The following DDX10 variants were observed in gnomAD, a reference collection of about 807,000 sequenced individuals.
The protein encoded by DDX10 is probable ATP-dependent RNA helicase DDX10.
In DDX10, 74 loss-of-function variants were observed where a neutral mutation model predicts 104.3. The ratio of observed to expected loss-of-function variants is 0.71; its 90% CI spans 0.59 to 0.86. DDX10 has a LOEUF of 0.86. Among genes scored for constraint, DDX10 ranks in the 40% least tolerant of loss-of-function variants. The pLI is 0.00. For missense variants in DDX10, 952 were observed against 1,040.0 expected (o/e 0.92, Z 1.16); for synonymous variants, 351 against 353.4 (o/e 0.99, Z 0.08).
intron 10 of DDX10, among the ~76,000 whole-genome samples, chr11:108,714,924 T>C (rs1482843834): frequency 6.7e-6 from 1 of 150,296 alleles, no homozygotes; most frequent in Non-Finnish European, 1.5e-5. Flanking sequence ...TTTGAAATTT[T>C]TTATAATAAA....
intron 10 of DDX10, among the ~76,000 whole-genome samples, chr11:108,710,046 G>T (rs749329484): frequency 1.2e-4 from 19 of 152,122 alleles, no homozygotes; most frequent in Non-Finnish European, 2.1e-4. Context: ...GAACACAATG[G>T]TAGGTATTTG....
intron 16 of DDX10, among the ~76,000 whole-genome samples, chr11:108,861,578 G>GT (rs913310086): frequency 3.3e-5 from 5 of 152,068 alleles, no homozygotes; most frequent in Admixed American, 2.6e-4. Context: ...TTACATAAAG[G>GT]TTTTTTTGTA....
At chr11:108,884,184 A>G (rs1863263248) in intron 16 of DDX10, among the ~76,000 whole-genome samples, 1 of 152,118 alleles carries the variant, frequency 6.6e-6, no homozygotes, top group African/African-American at 2.4e-5. Flanking sequence ...CAACTAGACA[A>G]ATTTTTTATT....
intron 13 of DDX10, among the ~76,000 whole-genome samples, chr11:108,751,787 G>A (rs1009263841): frequency 6.6e-6 from 1 of 152,120 alleles, no homozygotes; most frequent in Admixed American, 6.5e-5. Context: ...ATTACATTTG[G>A]CAAGTCAATC....
chr11:108,823,574 A>G lies in DDX10; in HGVS notation c.1966-14872A>G, dbSNP rs568615720. ...ACCAAACCCAGTTTGAATTTAGCATATATCTTTCTTCCATTATTGTAGTTC... is the reference window on the plus strand; with the variant it reads ...ACCAAACCCAGTTTGAATTTAGCATGTATCTTTCTTCCATTATTGTAGTTC... On this transcript the variant is annotated intron_variant, in intron 13 of 17. Transcript: ENST00000322536. Among the ~76,000 whole-genome samples, 22 of 152,320 alleles carry G rather than the reference A, an allele frequency of 1.4e-4. No homozygotes were observed. In the East Asian group the frequency reaches 3.3e-3, roughly 23 times the overall value.
At chr11:108,836,591 A>T (rs1168610361) in intron 13 of DDX10, among the ~76,000 whole-genome samples, 2 of 152,100 alleles carry the variant, frequency 1.3e-5, no homozygotes, top group African/African-American at 4.8e-5. Context: ...GGTTTAAGCG[A>T]TTGTCATGCC....
intron 13 of DDX10, among the ~76,000 whole-genome samples, chr11:108,788,620 C>T (rs1414339414): frequency 6.6e-6 from 1 of 152,238 alleles, no homozygotes; most frequent in African/African-American, 2.4e-5. Context: ...ACCTTGGTCT[C>T]CCAAACTGCT....
chr11:108,677,264 C>A, intron 4 of DDX10, 21 bp downstream of exon 4: 2 of 1,599,554 alleles, frequency 1.3e-6, no homozygotes, highest in Non-Finnish European at 1.7e-6. Context: ...TTGTCTATGT[C>A]CTTCCTTTCC....
At chr11:108,799,599 G>A (rs897740797) in intron 13 of DDX10, among the ~76,000 whole-genome samples, 1 of 152,180 alleles carries the variant, frequency 6.6e-6, no homozygotes, top group African/African-American at 2.4e-5. Flanking sequence ...TTCAATGGTT[G>A]CTTTAGGGCA....
chr11:108,917,891 G>T lies in DDX10; in HGVS notation c.2323G>T (p.Ala775Ser), dbSNP rs768235313. 6.2e-7 allele frequency: 1 copy of T among 1,611,754 alleles called. No individual in the cohort carries two copies. The highest frequency in any genetic ancestry group is 1.7e-5 in the Admixed American group (1 of 59,930). ...TTTTTAGGCCAAAGATGAAGAGGAA[G>T]CCTTTCTGGATTGGAGTGATGATGA... ...RQAKAKDEEE[A>S]FLDWSDDDDD... The change falls in exon 17 of 18, where the codon GCC (alanine) becomes TCC (serine). Residue 775 changes from alanine (A) to serine (S), a missense_variant. Around this residue, in one of 3 missense-constraint regions of DDX10, gnomAD observed 533 missense variants for 534.1 expected, o/e 1.00. Coordinates refer to ENST00000322536, the MANE Select transcript of DDX10 (RefSeq NM_004398.4).
chr11:108,900,651 G>A (rs1267290163), intron 16 of DDX10, among the ~76,000 whole-genome samples: 1 of 152,176 alleles, frequency 6.6e-6, no homozygotes, highest in East Asian at 1.9e-4. Context: ...AACCGGAATG[G>A]TGGACCCAAG....
intron 17 of DDX10, among the ~76,000 whole-genome samples, chr11:108,931,577 T>C (rs1863975915): frequency 6.6e-6 from 1 of 152,224 alleles, no homozygotes; most frequent in Non-Finnish European, 1.5e-5. Context: ...TTTTTTACAT[T>C]ATGCCATGTG....
At chr11:108,748,111 C>G (rs916954255) in intron 13 of DDX10, among the ~76,000 whole-genome samples, 2 of 152,214 alleles carry the variant, frequency 1.3e-5, no homozygotes, top group East Asian at 3.9e-4. Context: ...TTGAAACTTA[C>G]AAGAAAAAAC....
At chr11:108,891,079 T>G (rs1360310371) in intron 16 of DDX10, among the ~76,000 whole-genome samples, 4 of 152,190 alleles carry the variant, frequency 2.6e-5, no homozygotes, top group Non-Finnish European at 5.9e-5. Flanking sequence ...CTGCCTCTTA[T>G]GAAGCCCTTG....
At chr11:108,728,878 T>C (rs1294251692) in intron 13 of DDX10, among the ~76,000 whole-genome samples, 1 of 152,192 alleles carries the variant, frequency 6.6e-6, no homozygotes, top group East Asian at 1.9e-4. Flanking sequence ...CCCATGTCAT[T>C]AAAGTGTCTT....
At chr11:108,894,827 A>T (rs1447868278) in intron 16 of DDX10, among the ~76,000 whole-genome samples, 1 of 152,012 alleles carries the variant, frequency 6.6e-6, no homozygotes, top group African/African-American at 2.4e-5. Context: ...CGGGCATTTT[A>T]TAACTCATTC....
intron 6 of DDX10, among the ~76,000 whole-genome samples, chr11:108,687,193 C>T (rs1329290285): frequency 1.3e-5 from 2 of 152,224 alleles, no homozygotes; most frequent in Non-Finnish European, 2.9e-5. Flanking sequence ...CACATCCTTG[C>T]CAGCGTTTGG....
chr11:108,665,313 A>G lies in DDX10; in HGVS notation c.160A>G (p.Ser54Gly). The G allele has an allele frequency of 1.2e-6, 2 of 1,602,310 alleles. No homozygotes were observed. Among genetic ancestry groups the G allele is most frequent in the Non-Finnish European group, 1.7e-6 (2 of 1,174,984 alleles). The part of the protein sequence containing the change: ...PEWQVERESI[S>G]RLMQNYEKIN... ...ATGGCAGGTCGAGCGCGAGAGTATC[A>G]GCCGCCTCATGCAGAACTATGAAAA... Residue 54 changes from serine (S) to glycine (G), a missense_variant, in exon 1 of 18, where the codon AGC (serine) becomes GGC (glycine). Coordinates refer to ENST00000322536, the MANE Select transcript of DDX10 (RefSeq NM_004398.4).
chr11:108,713,981 A>G (rs1385409666), intron 10 of DDX10, among the ~76,000 whole-genome samples: 2 of 152,198 alleles, frequency 1.3e-5, no homozygotes, highest in Admixed American at 6.5e-5. Context: ...CCCTCAGGTC[A>G]GTTAGGCTCA....
Sources: gnomAD v4.1 joint callset for allele counts (sites outside exome capture counted in the v4.1 genomes callset) on GRCh38, gnomAD v4.1.1 for gene constraint, gnomAD v4.1.1 regional missense constraint, MANE v1.5 for transcripts, NCBI Gene and HGNC (gene_info 2026-07-23, HGNC 2026-07-21) for gene names.